The following KIZ variants were observed in gnomAD, a reference collection of about 807,000 sequenced individuals.
KIZ encodes centrosomal protein kizuna.
KIZ carries 68 observed loss-of-function variants against 79.6 expected under a neutral mutation model. The observed-to-expected ratio is 0.85, with a 90% CI of 0.70 to 1.05. The LOEUF (loss-of-function observed/expected upper bound fraction) is 1.05. Ranked by LOEUF, KIZ falls within the 50% of genes least tolerant of loss-of-function variation. KIZ has a pLI of 0.00. For missense variants in KIZ, 797 were observed against 800.4 expected, an observed-to-expected ratio of 1.00 and a Z score of 0.05; for synonymous variants, 280 against 281.8, an observed-to-expected ratio of 0.99 and a Z score of 0.06.
intron 6 of KIZ, among the ~76,000 whole-genome samples, chr20:21,169,685 A>T (rs1216336656): frequency 6.6e-6 from 1 of 152,094 alleles, no homozygotes; most frequent in Non-Finnish European, 1.5e-5. Flanking sequence ...AACCCAAAAA[A>T]ATAGTTTCTC....
At chr20:21,131,569 A>G (rs969826648) in intron 1 of KIZ, among the ~76,000 whole-genome samples, 1 of 152,208 alleles carries the variant, frequency 6.6e-6, no homozygotes, top group Non-Finnish European at 1.5e-5. Flanking sequence ...GGACCCCATC[A>G]CCGAAATGCC....
chr20:21,180,454 G>A (rs1258962822), intron 6 of KIZ, among the ~76,000 whole-genome samples: 1 of 152,092 alleles, frequency 6.6e-6, no homozygotes, highest in Non-Finnish European at 1.5e-5. Context: ...GCAAGGGGAG[G>A]AAAAGTCAGG....
intron 2 of KIZ, among the ~76,000 whole-genome samples, chr20:21,134,609 C>G (rs2032061293): frequency 6.7e-6 from 1 of 150,124 alleles, no homozygotes. Context: ...TTCCCCTCAT[C>G]TTTTCATTTT....
intron 6 of KIZ, among the ~76,000 whole-genome samples, chr20:21,199,618 C>A (rs771025181): frequency 6.6e-6 from 1 of 152,146 alleles, no homozygotes; most frequent in African/African-American, 2.4e-5. Context: ...CAGGCTGCCC[C>A]GCTGCCCTCC....
At chr20:21,204,004 G>T (rs1292415200) in intron 6 of KIZ, among the ~76,000 whole-genome samples, 1 of 149,452 alleles carries the variant, frequency 6.7e-6, no homozygotes, top group East Asian at 2.0e-4. Context: ...TTATGAATTT[G>T]ACTGTTTTAG....
Position 21,145,547 on chromosome 20 carries a change from A to G in KIZ, c.316-18A>G, listed in dbSNP as rs747989753. The G allele has an allele frequency of 9.4e-6, 12 of 1,276,134 alleles. No individual in the cohort carries two copies. The highest frequency in any genetic ancestry group is 1.9e-4 in the Middle Eastern group (1 of 5,380). The allele number at this position is 1,276,134 out of a possible 1,614,324, so 79.1% of individuals were successfully genotyped here. A position where few individuals can be genotyped will look rare whatever the true frequency, so the allele number is the denominator to read the frequency against. ...TGTAAAAATATTTATCACAAAATCA[A>G]ACTTTCTTTATATTTAGCTCGAATA... On this transcript the variant is annotated intron_variant, in intron 3 of 12. Coordinates refer to ENST00000619189, the MANE Select transcript of KIZ (RefSeq NM_018474.6).
At chr20:21,211,230 A>G (rs2036055057) in intron 7 of KIZ, among the ~76,000 whole-genome samples, 1 of 152,226 alleles carries the variant, frequency 6.6e-6, no homozygotes, top group Non-Finnish European at 1.5e-5. Context: ...GAACTGGGCT[A>G]ATAAAGGAAT....
chr20:21,167,285 C>T (rs1262671854), intron 6 of KIZ, among the ~76,000 whole-genome samples: 1 of 152,218 alleles, frequency 6.6e-6, no homozygotes, highest in Non-Finnish European at 1.5e-5. Flanking sequence ...ATAGAAGTGT[C>T]TACCCATAAT....
intron 6 of KIZ, among the ~76,000 whole-genome samples, chr20:21,204,787 CTCTT>C (rs576636932): frequency 2.8e-3 from 421 of 152,260 alleles, no homozygotes; most frequent in African/African-American, 9.8e-3. Flanking sequence ...TATTTTTTAA[CTCTT>C]TCCTAATATC....
chr20:21,243,139 G>C (rs1333492445), intron 11 of KIZ, among the ~76,000 whole-genome samples: 1 of 152,090 alleles, frequency 6.6e-6, no homozygotes, highest in Non-Finnish European at 1.5e-5. Flanking sequence ...CTCCAGGACT[G>C]TCAGTCAGCT....
At position 21,229,120 on chromosome 20, in the gene KIZ, G is replaced by T; in HGVS notation, c.1783+5G>T. On this transcript the variant is annotated splice_donor_5th_base_variant and intron_variant, in intron 10 of 12. Transcript: ENST00000619189. Reference sequence around the variant, plus strand: ...CTTCTGTGTCACACTTGTCAGGTAAGTAAGAGCAGATGGCAGTGTCCAGGG... The same window carrying T: ...CTTCTGTGTCACACTTGTCAGGTAATTAAGAGCAGATGGCAGTGTCCAGGG... The T allele has an allele frequency of 6.4e-7, 1 of 1,566,516 alleles. No homozygotes were observed.
At chr20:21,193,110 C>A (rs1181229629) in intron 6 of KIZ, among the ~76,000 whole-genome samples, 3 of 152,032 alleles carry the variant, frequency 2.0e-5, no homozygotes, top group Non-Finnish European at 4.4e-5. Flanking sequence ...CTGCTTCAGC[C>A]CAGCATTTCA....
intron 12 of KIZ, chr20:21,246,158 A>G (rs938928460): frequency 6.8e-6 from 2 of 295,426 alleles, no homozygotes; most frequent in Non-Finnish European, 1.3e-5. Context: ...AGGCTGATAC[A>G]ACACCCCAGG....
rs1378166717 is a variant in KIZ, at chr20:21,162,376, T to G, written c.911T>G (p.Leu304Arg). The change falls in exon 5 of 13, where the codon CTG (leucine) becomes CGG (arginine). Residue 304 changes from leucine to arginine, a missense_variant. Transcript: ENST00000619189. ...DSSSGSEGEI[L>R]TREHIEVEEK... is the part of the protein sequence containing the mutation. ...TCCAGCGGATCAGAGGGAGAAATAC[T>G]GACACGGGAACATATTGAAGTTGAG... 1.1e-5 allele frequency: 18 copies of G among 1,613,766 alleles called. No homozygotes were observed. The highest frequency in any genetic ancestry group is 1.5e-5 in the Non-Finnish European group (18 of 1,179,834).
At chr20:21,242,867 T>C (rs2037265686) in intron 11 of KIZ, among the ~76,000 whole-genome samples, 2 of 152,186 alleles carry the variant, frequency 1.3e-5, no homozygotes, top group Non-Finnish European at 2.9e-5. Context: ...TCCACCCAGC[T>C]GGCAGAGATC....
At chr20:21,149,744 C>G (rs915464419) in intron 4 of KIZ, among the ~76,000 whole-genome samples, 5 of 152,204 alleles carry the variant, frequency 3.3e-5, no homozygotes, top group Non-Finnish European at 7.3e-5. Context: ...ACTGTAGGAC[C>G]TGGCTCATCT....
chr20:21,205,910 G>A (rs893696913), intron 7 of KIZ, among the ~76,000 whole-genome samples: 2 of 150,702 alleles, frequency 1.3e-5, no homozygotes, highest in Admixed American at 6.6e-5. Context: ...GCAGTGAGCC[G>A]AGATCACGCC....
rs1030100663 is a variant in KIZ at position 21,181,899 on chromosome 20, T to C, written c.1352+18740T>C. ...GCTTAAACAAGAAGTGCATTTGTTC[T>C]GTCTCATTTCTGGAAGTCCAGAGGT... is the stretch of plus-strand genomic sequence containing the variant. On this transcript the variant is annotated intron_variant, in intron 6 of 12. Transcript: ENST00000619189. 6.6e-5 allele frequency among the ~76,000 whole-genome samples: 10 copies of C among 152,382 alleles called. No homozygotes were observed. The South Asian group carries it at 1.0e-3, about 16-fold the overall frequency.
intron 11 of KIZ, among the ~76,000 whole-genome samples, chr20:21,243,815 A>G (rs2037299517): frequency 6.6e-6 from 1 of 152,144 alleles, no homozygotes; most frequent in Non-Finnish European, 1.5e-5. Context: ...TAACTTCCTT[A>G]CCAACATCTT....
Sources: gnomAD v4.1 joint callset for allele counts (sites outside exome capture counted in the v4.1 genomes callset) on GRCh38, gnomAD v4.1.1 for gene constraint, MANE v1.5 for transcripts, NCBI Gene and HGNC (gene_info 2026-07-23, HGNC 2026-07-21) for gene names.